Variants in PRKG1 observed in about 807,000 individuals in gnomAD.
PRKG1 encodes the protein cGMP-dependent protein kinase 1.
In PRKG1, 35 loss-of-function variants were observed where a neutral mutation model predicts 88.1. The observed-to-expected ratio is 0.40, with a 90% CI of 0.30 to 0.53. The LOEUF (loss-of-function observed/expected upper bound fraction) is 0.53, where lower values mean the gene tolerates loss of function less well. Ranked by LOEUF, PRKG1 falls within the 20% of genes least tolerant of loss-of-function variation. The probability of loss-of-function intolerance (pLI) is 0.59; values close to 1 mark genes in which losing one functional copy is unlikely to be tolerated. For synonymous variants in PRKG1, 303 were observed against 292.5 expected (o/e 1.04, Z -0.37); for missense variants, 540 against 839.8 (o/e 0.64, Z 4.41).
intron 2 of PRKG1, among the ~76,000 whole-genome samples, chr10:51,258,901 C>G (rs2062237594): frequency 1.3e-5 from 2 of 152,166 alleles, no homozygotes; most frequent in African/African-American, 4.8e-5. Context: ...GAGTGAGTCC[C>G]TTTAGTGCTA....
intron 2 of PRKG1, among the ~76,000 whole-genome samples, chr10:51,282,538 G>A (rs10996555): frequency 0.46 from 70,135 of 151,950 alleles, 17,714 homozygotes; most frequent in African/African-American, 0.67. Flanking sequence ...CAAACAACTG[G>A]AGACAAAAGG....
intron 2 of PRKG1, among the ~76,000 whole-genome samples, chr10:51,359,443 C>A (rs1326574622): frequency 6.6e-6 from 1 of 150,476 alleles, no homozygotes; most frequent in East Asian, 2.0e-4. Context: ...CTTGGCCAGT[C>A]ATTTGTGTGT....
At chr10:51,157,140 A>G (rs1206044572) in intron 2 of PRKG1, among the ~76,000 whole-genome samples, 1 of 151,916 alleles carries the variant, frequency 6.6e-6, no homozygotes, top group African/African-American at 2.4e-5. Flanking sequence ...CAAAGAGAAT[A>G]CTCATATGGT....
At chr10:51,125,424 A>G (rs1317074102) in intron 1 of PRKG1, among the ~76,000 whole-genome samples, 1 of 150,958 alleles carries the variant, frequency 6.6e-6, no homozygotes, top group East Asian at 1.9e-4. Flanking sequence ...ACAGTGGCTG[A>G]AGCCTGTAAT....
chr10:51,882,200 C>G (rs1297751078), intron 4 of PRKG1, among the ~76,000 whole-genome samples: 1 of 152,142 alleles, frequency 6.6e-6, no homozygotes, highest in Non-Finnish European at 1.5e-5. Flanking sequence ...CTCCCTAAAC[C>G]CATCTGCTAT....
chr10:51,601,857 A>C (rs1838615275), intron 3 of PRKG1, among the ~76,000 whole-genome samples: 1 of 147,030 alleles, frequency 6.8e-6, no homozygotes, highest in South Asian at 2.1e-4. Context: ...GCATGTTATA[A>C]CTTGAGTGGA....
intron 4 of PRKG1, among the ~76,000 whole-genome samples, chr10:51,878,748 A>G (rs1432865783): frequency 6.6e-6 from 1 of 152,174 alleles, no homozygotes; most frequent in African/African-American, 2.4e-5. Flanking sequence ...TTCTTCCCAT[A>G]CTGACTAGAG....
intron 3 of PRKG1, among the ~76,000 whole-genome samples, chr10:51,701,364 G>C (rs938627714): frequency 6.6e-6 from 1 of 152,136 alleles, no homozygotes; most frequent in Non-Finnish European, 1.5e-5. Context: ...TGAGTATGAT[G>C]GTTTAGCTGC....
chr10:51,898,748 T>A (rs1564698855), intron 4 of PRKG1, among the ~76,000 whole-genome samples: 1 of 152,076 alleles, frequency 6.6e-6, no homozygotes, highest in Non-Finnish European at 1.5e-5. Flanking sequence ...GCCCAGAAGG[T>A]TAAAGCTGTG....
intron 3 of PRKG1, among the ~76,000 whole-genome samples, chr10:51,724,495 C>T (rs1158180382): frequency 6.6e-6 from 1 of 152,124 alleles, no homozygotes; most frequent in East Asian, 1.9e-4. Flanking sequence ...AATTCATGCC[C>T]TTATTGGATC....
chr10:51,136,811 A>T (rs1377451030), intron 1 of PRKG1, among the ~76,000 whole-genome samples: 1 of 152,102 alleles, frequency 6.6e-6, no homozygotes, highest in African/African-American at 2.4e-5. Context: ...TTCATGATAA[A>T]GTGTGATGTC....
chr10:51,372,681 A>G (rs1329649769), intron 2 of PRKG1, among the ~76,000 whole-genome samples: 2 of 152,088 alleles, frequency 1.3e-5, no homozygotes, highest in Non-Finnish European at 2.9e-5. Context: ...AACATTACAA[A>G]TGGAAATAGA....
rs1194407313 is a variant in PRKG1 at position 51,269,103 on chromosome 10, AC to A, written c.478+115774del. ...TCAAAAGAAGATATACAAATAGCCAACAAACATATGAAAAAATCCTCAACAT... is the reference window on the plus strand; with the variant it reads ...TCAAAAGAAGATATACAAATAGCCAAAAACATATGAAAAAATCCTCAACAT... On this transcript the variant is annotated intron_variant, in intron 2 of 17. Coordinates refer to ENST00000373980, the MANE Select transcript of PRKG1 (RefSeq NM_006258.4). Among the ~76,000 whole-genome samples, 35 of 152,338 alleles carry A rather than the reference AC, an allele frequency of 2.3e-4. No homozygotes were observed. The East Asian group carries it at 4.8e-3, about 21-fold the overall frequency.
At chr10:51,745,332 A>C (rs1015523781) in intron 3 of PRKG1, among the ~76,000 whole-genome samples, 3 of 151,962 alleles carry the variant, frequency 2.0e-5, no homozygotes, top group African/African-American at 7.2e-5. Flanking sequence ...TGAAGACTTC[A>C]TTTTTTTAGA....
At chr10:51,122,166 C>T (rs1024185861) in intron 1 of PRKG1, among the ~76,000 whole-genome samples, 1 of 152,192 alleles carries the variant, frequency 6.6e-6, no homozygotes, top group African/African-American at 2.4e-5. Flanking sequence ...CAGGCTTTAG[C>T]CTTCTTCGGA....
At chr10:51,233,367 T>G (rs1838897564) in intron 2 of PRKG1, among the ~76,000 whole-genome samples, 1 of 152,218 alleles carries the variant, frequency 6.6e-6, no homozygotes, top group African/African-American at 2.4e-5. Flanking sequence ...TTGAGATCTA[T>G]TTCTACACTG....
chr10:51,121,263 A>G (rs7918898), intron 1 of PRKG1, among the ~76,000 whole-genome samples: 121,235 of 152,076 alleles, frequency 0.8, 48,901 homozygotes, highest in South Asian at 0.88. Context: ...AAATTCTGAG[A>G]ATCCGAAAGT....
At chr10:51,020,510 G>A (rs1326118762) in intron 1 of PRKG1, among the ~76,000 whole-genome samples, 1 of 152,162 alleles carries the variant, frequency 6.6e-6, no homozygotes, top group Non-Finnish European at 1.5e-5. Context: ...TTACATTCTG[G>A]AGGGGTGTGT....
chr10:52,211,999 A>T (rs1030617081), intron 9 of PRKG1, among the ~76,000 whole-genome samples: 1 of 152,230 alleles, frequency 6.6e-6, no homozygotes, highest in Admixed American at 6.5e-5. Context: ...ATTAGGTGTT[A>T]AAACATTTTT....
Sources: gnomAD v4.1 joint callset for allele counts (sites outside exome capture counted in the v4.1 genomes callset) on GRCh38, gnomAD v4.1.1 for gene constraint, MANE v1.5 for transcripts, NCBI Gene and HGNC (gene_info 2026-07-23, HGNC 2026-07-21) for gene names.